The following DIS3L variants were observed in gnomAD, a reference collection of about 807,000 sequenced individuals.
DIS3L encodes the protein DIS3-like exonuclease 1.
Under a neutral mutation model 120.3 loss-of-function variants are expected in DIS3L, and 100 were observed. The ratio of observed to expected loss-of-function variants is 0.83; its 90% CI spans 0.71 to 0.98. The LOEUF (loss-of-function observed/expected upper bound fraction) is 0.98. Among genes scored for constraint, DIS3L ranks in the 50% least tolerant of loss-of-function variants. DIS3L has a pLI of 0.00. For missense variants in DIS3L, 1,196 were observed against 1,314.2 expected (o/e 0.91, Z 1.39); for synonymous variants, 426 against 470.6 (o/e 0.91, Z 1.23).
intron 2 of DIS3L, among the ~76,000 whole-genome samples, chr15:66,302,617 C>T (rs2092660458): frequency 1.3e-5 from 2 of 152,158 alleles, no homozygotes; most frequent in South Asian, 4.1e-4. Flanking sequence ...TGCTGTCTCG[C>T]ACATTCCGCC....
chr15:66,332,945 T>A, intron 16 of DIS3L, 35 bp downstream of exon 16: 1 of 1,577,756 alleles, frequency 6.3e-7, no homozygotes, highest in Non-Finnish European at 8.6e-7. Flanking sequence ...TTATTAATAT[T>A]TTAAATGTAA....
Position 66,331,922 on chromosome 15 carries a change from G to A in DIS3L, c.2583G>A (p.Met861Ile), listed in dbSNP as rs115616821. 3,791 of 1,613,216 alleles carry A rather than the reference G, an allele frequency of 2.3e-3. 64 individuals carry two copies. In the African/African-American group the frequency reaches 0.04, roughly 17 times the overall value. The change falls in exon 15 of 17, where the codon ATG (methionine) becomes ATA (isoleucine). Residue 861 changes from methionine to isoleucine, a missense_variant. Transcript: ENST00000319212. ...AGTCTACTGAGCTCTTCCAGTGCAT[G>A]TACTTCAAAGACAAAGACCCTGCCA... The part of the protein sequence containing the change: ...QKQSTELFQC[M>I]YFKDKDPATE...
intron 2 of DIS3L, among the ~76,000 whole-genome samples, chr15:66,302,254 G>A (rs1344676689): frequency 6.6e-6 from 1 of 152,180 alleles, no homozygotes; most frequent in African/African-American, 2.4e-5. Context: ...TGTAGTCCTA[G>A]CTGCTTGTGA....
intron 4 of DIS3L, among the ~76,000 whole-genome samples, chr15:66,309,513 A>G (rs749613157): frequency 1.3e-5 from 2 of 152,194 alleles, no homozygotes; most frequent in Non-Finnish European, 2.9e-5. Context: ...GTAATAACCA[A>G]CACATCTATG....
chr15:66,329,129 A>C lies in DIS3L; in HGVS notation c.2356+5A>C. Reference sequence around the variant, plus strand: ...AGGAGGAGTTCCATCATTACGGTGAATCATACCATATTCCTATGTGTGGCT... The same window carrying C: ...AGGAGGAGTTCCATCATTACGGTGACTCATACCATATTCCTATGTGTGGCT... On this transcript the variant is annotated splice_donor_5th_base_variant and intron_variant, in intron 13 of 16. Transcript: ENST00000319212. 1 of 1,608,574 alleles carries C rather than the reference A, an allele frequency of 6.2e-7. No homozygotes were observed. The highest frequency in any genetic ancestry group is 1.1e-5 in the South Asian group (1 of 89,984).
intron 2 of DIS3L, 136 bp from the exon 3 acceptor site, chr15:66,306,688 A>T: frequency 7.9e-7 from 1 of 1,271,806 alleles, no homozygotes; most frequent in South Asian, 1.4e-5. Flanking sequence ...TGAGACCAAT[A>T]TAAATACATG....
At chr15:66,328,416 G>T (rs778090709) in intron 12 of DIS3L, among the ~76,000 whole-genome samples, 1 of 151,340 alleles carries the variant, frequency 6.6e-6, no homozygotes, top group Non-Finnish European at 1.5e-5. Flanking sequence ...GAGGCTGTAT[G>T]CAGTGGCTCA....
chr15:66,295,189 C>T (rs748235246), intron 2 of DIS3L, 48 bp downstream of exon 2: 1 of 1,554,874 alleles, frequency 6.4e-7, no homozygotes, highest in South Asian at 1.2e-5. Context: ...GTTCCCCCCA[C>T]CTTAGAAAAG....
At chr15:66,326,482 T>A in intron 12 of DIS3L, 118 bp downstream of exon 12, 1 of 1,146,252 alleles carries the variant, frequency 8.7e-7, no homozygotes, top group Non-Finnish European at 1.2e-6. Context: ...AACAGATTCT[T>A]GGCTCTCCTC....
chr15:66,326,864 G>A (rs1300975906), intron 12 of DIS3L, among the ~76,000 whole-genome samples: 1 of 151,730 alleles, frequency 6.6e-6, no homozygotes, highest in African/African-American at 2.4e-5. Flanking sequence ...TTATAGGCAT[G>A]AGCCACCACA....
intron 9 of DIS3L, 115 bp from the exon 10 acceptor site, chr15:66,322,572 A>G: frequency 6.8e-7 from 1 of 1,475,242 alleles, no homozygotes; most frequent in Non-Finnish European, 9.2e-7. Context: ...AGGTTGATGA[A>G]GAAGGTAATT....
At chr15:66,325,719 C>T in intron 11 of DIS3L, 112 bp from the exon 12 acceptor site, 4 of 1,227,864 alleles carry the variant, frequency 3.3e-6, no homozygotes, top group Non-Finnish European at 4.5e-6. Context: ...AGTGATCATG[C>T]CATTGCACTC....
intron 7 of DIS3L, among the ~76,000 whole-genome samples, chr15:66,318,117 G>A (rs1045942365): frequency 6.6e-6 from 1 of 152,016 alleles, no homozygotes; most frequent in African/African-American, 2.4e-5. Flanking sequence ...GTGATCACAG[G>A]CGCACGCCAC....
chr15:66,330,523 A>G (rs2092989102), intron 14 of DIS3L: 1 of 985,420 alleles, frequency 1.0e-6, no homozygotes, highest in Non-Finnish European at 1.2e-6. Context: ...CCAATGGTAT[A>G]GTTGTCTGCT....
In DIS3L at chr15:66,329,057, G is replaced by C. The variant is rs767485665; in HGVS notation, c.2289G>C (p.Thr763=). The C allele has an allele frequency of 1.2e-6, 2 of 1,614,082 alleles. No individual in the cohort carries two copies. Among genetic ancestry groups the C allele is most frequent in the African/African-American group, 2.7e-5 (2 of 74,934 alleles). Residue 763 remains threonine (T), a synonymous_variant, in exon 13 of 17, where the codon ACG becomes ACC. Transcript: ENST00000319212. ...ACAGGCTACTGCGCTCCATGGCCAC[G>C]CAGGCCATGTCGAATGCTCTGTACT... ...IVNRLLRSMA[T]QAMSNALYFS...
chr15:66,330,697 TAGAG>T lies in DIS3L; in HGVS notation c.2536-1175_2536-1172del, dbSNP rs139590223. 367 of 198,398 alleles carry T rather than the reference TAGAG, an allele frequency of 1.8e-3. 1 individual carries two copies. The highest frequency in any genetic ancestry group is 2.6e-3 in the Non-Finnish European group (287 of 110,324). The allele number at this position is 198,398 out of a possible 1,614,324, so 12.3% of individuals were successfully genotyped here. On this transcript the variant is annotated intron_variant, in intron 14 of 16. Coordinates refer to ENST00000319212, the MANE Select transcript of DIS3L (RefSeq NM_001143688.3). ...GTGGCTACATATTAGGCAACACAGATAGAGAGCATTTCTATCATTGCAGAAAGTT... is the reference window on the plus strand; with the variant it reads ...GTGGCTACATATTAGGCAACACAGATAGCATTTCTATCATTGCAGAAAGTT...
At chr15:66,321,072 C>T (rs902245815) in intron 9 of DIS3L, among the ~76,000 whole-genome samples, 3 of 152,168 alleles carry the variant, frequency 2.0e-5, no homozygotes, top group Non-Finnish European at 4.4e-5. Flanking sequence ...CACTCTCTGT[C>T]CAAATCATTC....
intron 3 of DIS3L, among the ~76,000 whole-genome samples, chr15:66,308,394 G>T (rs922891786): frequency 6.6e-6 from 1 of 152,134 alleles, no homozygotes; most frequent in Non-Finnish European, 1.5e-5. Flanking sequence ...TTGTCATCTT[G>T]TGTGCTGCCC....
chr15:66,302,724 ATCT>A (rs2092661846), intron 2 of DIS3L, among the ~76,000 whole-genome samples: 1 of 151,874 alleles, frequency 6.6e-6, no homozygotes, highest in African/African-American at 2.4e-5. Context: ...CATCCCTCCC[ATCT>A]TCTCCTTTCA....
Sources: allele counts gnomAD v4.1 joint callset (sites outside exome capture counted in the v4.1 genomes callset), GRCh38; gene constraint gnomAD v4.1.1; transcripts MANE v1.5; gene names NCBI Gene and HGNC (gene_info 2026-07-23, HGNC 2026-07-21).